Variants in IMPG1 observed in about 807,000 individuals in gnomAD.
IMPG1 encodes interphotoreceptor matrix proteoglycan of 150 kDa.
Under a neutral mutation model 92.0 loss-of-function variants are expected in IMPG1, and 85 were observed. The ratio of observed to expected loss-of-function variants is 0.92; its 90% CI spans 0.78 to 1.11. The LOEUF (loss-of-function observed/expected upper bound fraction) is 1.11, where lower values mean the gene tolerates loss of function less well. Ranked by LOEUF, IMPG1 falls within the 50% of genes least tolerant of loss-of-function variation. The pLI is 0.00. For missense variants in IMPG1, 1,022 were observed against 956.0 expected, an observed-to-expected ratio of 1.07 and a Z score of -0.91; for synonymous variants, 367 against 334.1, an observed-to-expected ratio of 1.10 and a Z score of -1.08.
intron 7 of IMPG1, among the ~76,000 whole-genome samples, chr6:76,012,416 A>T (rs1783201446): frequency 6.6e-6 from 1 of 152,158 alleles, no homozygotes; most frequent in Non-Finnish European, 1.5e-5. Flanking sequence ...TTCTACTTAA[A>T]CATAAGGAGC....
chr6:75,985,378 A>C (rs566698509), intron 12 of IMPG1, among the ~76,000 whole-genome samples: 41 of 152,342 alleles, frequency 2.7e-4, no homozygotes, highest in African/African-American at 9.4e-4. Context: ...GAGGCAGAGA[A>C]AGGCAGAACT....
At chr6:75,982,541 ATATC>A (rs145538984) in intron 12 of IMPG1, among the ~76,000 whole-genome samples, 1,685 of 146,678 alleles carry the variant, frequency 0.011, 38 homozygotes, top group African/African-American at 0.04. Flanking sequence ...AAAAATGTGT[ATATC>A]TATCTATCTA....
chr6:76,049,500 A>G (rs1299644119), intron 1 of IMPG1, among the ~76,000 whole-genome samples: 3 of 151,844 alleles, frequency 2.0e-5, no homozygotes, highest in Non-Finnish European at 4.4e-5. Flanking sequence ...CATTCTCTTT[A>G]TATTTTAGTA....
rs73466833 is a variant in IMPG1, at chr6:75,993,864, A to G, written c.1291+9054T>C. Among the ~76,000 whole-genome samples, 1,462 of 152,268 alleles carry G rather than the reference A, an allele frequency of 9.6e-3. 27 individuals are homozygous for G. Among genetic ancestry groups the G allele is most frequent in the African/African-American group, 0.033 (1,387 of 41,544 alleles). On this transcript the variant is annotated intron_variant, in intron 12 of 16. Coordinates refer to ENST00000369950, the MANE Select transcript of IMPG1 (RefSeq NM_001563.4). ...CTGTTTACTACTGAGGGATGATCAG[A>G]GAATAGCGCTCAATAGGTTTGTCCT...
At position 76,005,537 on chromosome 6, in the gene IMPG1, G is replaced by A. The variant is rs1017677323; in HGVS notation, c.888-3C>T. 4 of 1,613,338 alleles carry A rather than the reference G, an allele frequency of 2.5e-6. No individual in the cohort carries two copies. The highest frequency in any genetic ancestry group is 3.4e-6 in the Non-Finnish European group (4 of 1,179,626). On this transcript the variant is annotated splice_polypyrimidine_tract_variant and splice_region_variant and intron_variant, in intron 9 of 16. Transcript: ENST00000369950. ...GTTGCATCTCTGTGGAGCTTGAGCT[G>A]TAGATAGCAGAGGACACATTCCCCA... is the stretch of plus-strand genomic sequence containing the variant.
chr6:75,934,262 C>G (rs1781704506), intron 14 of IMPG1, among the ~76,000 whole-genome samples: 1 of 152,252 alleles, frequency 6.6e-6, no homozygotes, highest in South Asian at 2.1e-4. Context: ...TCTGACACTA[C>G]AGTGGCTCCA....
In IMPG1 at chr6:76,017,716, A is replaced by G. The variant is rs557197800; in HGVS notation, c.807+1002T>C. Among the ~76,000 whole-genome samples, 116 of 152,130 alleles carry G rather than the reference A, an allele frequency of 7.6e-4. 1 individual carries two copies. Among genetic ancestry groups the G allele is most frequent in the Admixed American group, 1.0e-3 (16 of 15,264 alleles). On this transcript the variant is annotated intron_variant, in intron 7 of 16. Transcript: ENST00000369950. The stretch of plus-strand genomic sequence containing the variant: ...ATGTCTTTCAGTTCAATGAGATTTT[A>G]AAACCTACTAATTTTTATTTATTTA...
intron 14 of IMPG1, among the ~76,000 whole-genome samples, chr6:75,945,805 G>A (rs1013006139): frequency 6.6e-6 from 1 of 152,302 alleles, no homozygotes; most frequent in Non-Finnish European, 1.5e-5. Flanking sequence ...TGCACTCACA[G>A]CTTCCCACCC....
chr6:76,059,400 AC>A (rs1784168215), intron 1 of IMPG1, among the ~76,000 whole-genome samples: 1 of 102,650 alleles, frequency 9.7e-6, no homozygotes. Context: ...AAGACGTTAC[AC>A]CTTTTTTTTT....
At chr6:75,935,673 AT>A (rs1472629771) in intron 14 of IMPG1, among the ~76,000 whole-genome samples, 1 of 152,208 alleles carries the variant, frequency 6.6e-6, no homozygotes, top group Non-Finnish European at 1.5e-5. Flanking sequence ...ATCAATAGCA[AT>A]CTGCAGGAGG....
chr6:75,995,328 T>G (rs1782877807), intron 12 of IMPG1, among the ~76,000 whole-genome samples: 2 of 152,214 alleles, frequency 1.3e-5, no homozygotes, highest in African/African-American at 4.8e-5. Context: ...GAGGTGTCAT[T>G]GTTTTTCTTA....
At chr6:75,930,640 G>C (rs1781648398) in intron 15 of IMPG1, among the ~76,000 whole-genome samples, 1 of 152,152 alleles carries the variant, frequency 6.6e-6, no homozygotes, top group Non-Finnish European at 1.5e-5. Context: ...AACTGATACA[G>C]GTTCTTTCTT....
intron 4 of IMPG1, among the ~76,000 whole-genome samples, chr6:76,033,208 A>G (rs1172871774): frequency 6.6e-6 from 1 of 152,196 alleles, no homozygotes; most frequent in Non-Finnish European, 1.5e-5. Flanking sequence ...AAGAAGGCCA[A>G]TAGGCCTTAA....
intron 1 of IMPG1, among the ~76,000 whole-genome samples, chr6:76,065,246 A>C (rs1784289777): frequency 6.6e-6 from 1 of 152,142 alleles, no homozygotes; most frequent in African/African-American, 2.4e-5. Context: ...CCAAAATGAA[A>C]TCTTTGAAAT....
chr6:76,055,000 C>G (rs1784097514), intron 1 of IMPG1, among the ~76,000 whole-genome samples: 1 of 151,998 alleles, frequency 6.6e-6, no homozygotes, highest in African/African-American at 2.4e-5. Context: ...AGATATCTCT[C>G]TTAATTGATG....
chr6:75,990,302 G>A (rs1043957105), intron 12 of IMPG1, among the ~76,000 whole-genome samples: 19 of 152,112 alleles, frequency 1.2e-4, no homozygotes, highest in Admixed American at 8.5e-4. Flanking sequence ...TACAGAGAAC[G>A]GGCCAACTAG....
intron 1 of IMPG1, among the ~76,000 whole-genome samples, chr6:76,052,062 G>C (rs558999206): frequency 1.3e-5 from 2 of 152,262 alleles, no homozygotes; most frequent in Admixed American, 1.3e-4. Flanking sequence ...TTCTTGCTGA[G>C]GGCCTATGCA....
At chr6:76,064,185 G>T (rs1268493867) in intron 1 of IMPG1, among the ~76,000 whole-genome samples, 4 of 152,072 alleles carry the variant, frequency 2.6e-5, no homozygotes, top group Non-Finnish European at 5.9e-5. Context: ...CCATTCTAGG[G>T]CTATTGGGAA....
intron 9 of IMPG1, among the ~76,000 whole-genome samples, chr6:76,006,003 A>AT (rs1783090314): frequency 1.3e-5 from 2 of 151,958 alleles, no homozygotes; most frequent in South Asian, 2.1e-4. Context: ...CTAATTTTAA[A>AT]TTTTTTTGTA....
Sources: allele counts gnomAD v4.1 joint callset (sites outside exome capture counted in the v4.1 genomes callset), GRCh38; gene constraint gnomAD v4.1.1; transcripts MANE v1.5; gene names NCBI Gene and HGNC (gene_info 2026-07-23, HGNC 2026-07-21).